The following NAALADL2 variants were observed in gnomAD, a reference collection of about 807,000 sequenced individuals.
NAALADL2 encodes the protein N-acetylated alpha-linked acidic dipeptidase like 2.
NAALADL2 carries 76 observed loss-of-function variants against 87.2 expected under a neutral mutation model. The observed-to-expected ratio is 0.87, with a 90% CI of 0.72 to 1.05. NAALADL2 has a LOEUF of 1.05. Ranked by LOEUF, NAALADL2 falls within the 50% of genes least tolerant of loss-of-function variation. The pLI is 0.00. For synonymous variants in NAALADL2, 354 were observed against 331.0 expected (o/e 1.07, Z -0.75); for missense variants, 1,089 against 945.8 (o/e 1.15, Z -1.99).
intron 5 of NAALADL2, among the ~76,000 whole-genome samples, chr3:175,349,223 A>AAT (rs34441496): frequency 4.0e-5 from 6 of 150,798 alleles, no homozygotes; most frequent in African/African-American, 1.5e-4. Flanking sequence ...AAAAAAAAAA[A>AAT]GATGTCCAGT....
intron 3 of NAALADL2, among the ~76,000 whole-genome samples, chr3:175,240,855 A>G (rs1423069848): frequency 6.6e-6 from 1 of 152,012 alleles, no homozygotes; most frequent in Non-Finnish European, 1.5e-5. Flanking sequence ...GGGTTTCTCC[A>G]TGTTGGTCAG....
At chr3:174,633,602 T>C (rs1336848561) in intron 2 of NAALADL2, among the ~76,000 whole-genome samples, 2 of 152,200 alleles carry the variant, frequency 1.3e-5, no homozygotes, top group African/African-American at 4.8e-5. Context: ...CAGGAAGTAA[T>C]AACTGAATGC....
At chr3:175,664,596 A>AACTT (rs1325949871) in intron 11 of NAALADL2, among the ~76,000 whole-genome samples, 1 of 149,986 alleles carries the variant, frequency 6.7e-6, no homozygotes, top group African/African-American at 2.5e-5. Context: ...TTATATAAAG[A>AACTT]ACTTAGCCAT....
At chr3:175,747,536 A>G (rs982829704) in intron 12 of NAALADL2, among the ~76,000 whole-genome samples, 2 of 152,190 alleles carry the variant, frequency 1.3e-5, no homozygotes, top group Non-Finnish European at 2.9e-5. Flanking sequence ...TGGCACACTT[A>G]TAAAAATGTT....
intron 1 of NAALADL2, among the ~76,000 whole-genome samples, chr3:175,076,741 T>C (rs1716670740): frequency 6.6e-6 from 1 of 152,214 alleles, no homozygotes; most frequent in African/African-American, 2.4e-5. Flanking sequence ...AATATCTAGA[T>C]ATAATTAGGG....
intron 2 of NAALADL2, among the ~76,000 whole-genome samples, chr3:174,669,937 G>T (rs1312565645): frequency 6.6e-6 from 1 of 151,808 alleles, no homozygotes; most frequent in Non-Finnish European, 1.5e-5. Context: ...ATCTTTTAGG[G>T]TACATGTTCT....
intron 9 of NAALADL2, among the ~76,000 whole-genome samples, chr3:175,481,105 A>T (rs1416750124): frequency 1.3e-5 from 2 of 151,914 alleles, no homozygotes; most frequent in Admixed American, 6.6e-5. Context: ...GCTATTTTTT[A>T]AAAAAGCAGT....
intron 2 of NAALADL2, among the ~76,000 whole-genome samples, chr3:175,209,726 G>A (rs1000687524): frequency 1.4e-5 from 2 of 143,124 alleles, no homozygotes; most frequent in Admixed American, 7.3e-5. Context: ...TATATACTTG[G>A]TGTATATTTA....
At chr3:175,537,248 A>T (rs1056793488) in intron 9 of NAALADL2, among the ~76,000 whole-genome samples, 3 of 152,218 alleles carry the variant, frequency 2.0e-5, no homozygotes, top group Non-Finnish European at 4.4e-5. Flanking sequence ...GCTTCTCAAA[A>T]TATATTCTAT....
At chr3:174,808,422 A>G (rs1031877240) in intron 3 of NAALADL2, among the ~76,000 whole-genome samples, 8 of 152,268 alleles carry the variant, frequency 5.3e-5, no homozygotes, top group African/African-American at 1.9e-4. Flanking sequence ...ACATTTTCTC[A>G]TGAACTTTGA....
At chr3:175,605,640 GT>G (rs751433758) in intron 10 of NAALADL2, among the ~76,000 whole-genome samples, 1,003 of 36,644 alleles carry the variant, frequency 0.027, 8 homozygotes, top group African/African-American at 0.067. Context: ...TATATTGCTT[GT>G]TTTTTTTTTT....
intron 11 of NAALADL2, among the ~76,000 whole-genome samples, chr3:175,707,447 T>C (rs1739880070): frequency 6.6e-6 from 1 of 152,156 alleles, no homozygotes; most frequent in Non-Finnish European, 1.5e-5. Context: ...ATGAGGGCTT[T>C]AGTTTTACAA....
intron 10 of NAALADL2, among the ~76,000 whole-genome samples, chr3:175,586,895 A>C (rs1180320717): frequency 1.3e-5 from 2 of 152,212 alleles, no homozygotes; most frequent in Non-Finnish European, 2.9e-5. Flanking sequence ...CCATGGCAAA[A>C]CATTGGGGTT....
intron 3 of NAALADL2, among the ~76,000 whole-genome samples, chr3:174,848,899 A>G (rs113265855): frequency 0.02 from 2,990 of 152,312 alleles, 104 homozygotes; most frequent in African/African-American, 0.069. Flanking sequence ...TCTAGTCTGT[A>G]TGGTATAGCC....
chr3:175,132,306 T>TGGG (rs548911352), intron 2 of NAALADL2, among the ~76,000 whole-genome samples: 14,974 of 15,496 alleles, frequency 0.97, 7,423 homozygotes, highest in Middle Eastern at 1. Context: ...GCTGGCCGGG[T>TGGG]GGGGCTGACC....
chr3:175,283,019 G>A (rs1475446109), intron 4 of NAALADL2, among the ~76,000 whole-genome samples: 2 of 150,972 alleles, frequency 1.3e-5, no homozygotes, highest in African/African-American at 4.9e-5. Context: ...GTAACAACAA[G>A]ACTTTTAACT....
chr3:175,509,659 A>T (rs1020559057), intron 9 of NAALADL2, among the ~76,000 whole-genome samples: 7 of 152,204 alleles, frequency 4.6e-5, no homozygotes, highest in African/African-American at 1.4e-4. Context: ...GAATTAATTA[A>T]TAAGCAGATG....
intron 1 of NAALADL2, among the ~76,000 whole-genome samples, chr3:174,445,946 A>G (rs1273122309): frequency 6.6e-6 from 1 of 152,164 alleles, no homozygotes; most frequent in Non-Finnish European, 1.5e-5. Context: ...TTGCCAGTTA[A>G]AAGCAAACAG....
intron 2 of NAALADL2, among the ~76,000 whole-genome samples, chr3:175,113,912 A>G (rs1050074319): frequency 1.3e-5 from 2 of 151,688 alleles, no homozygotes; most frequent in African/African-American, 4.8e-5. Context: ...AGTCTTGGAA[A>G]GATAGTCTTG....
Sources: gnomAD v4.1 joint callset for allele counts (sites outside exome capture counted in the v4.1 genomes callset) on GRCh38, gnomAD v4.1.1 for gene constraint, MANE v1.5 for transcripts, NCBI Gene and HGNC (gene_info 2026-07-23, HGNC 2026-07-21) for gene names.